TFB1M: variants seen among roughly 807,000 people sequenced by gnomAD.
The protein encoded by TFB1M is transcription factor B1, mitochondrial.
Under a neutral mutation model 31.1 loss-of-function variants are expected in TFB1M, and 27 were observed. That is an observed-to-expected ratio of 0.87 (90% CI 0.64 to 1.20). TFB1M has a LOEUF of 1.20. TFB1M is among the 50% of genes most tolerant of loss of function. The pLI, the probability that TFB1M is intolerant of heterozygous loss-of-function variation, is 0.00. For synonymous variants in TFB1M, 166 were observed against 151.8 expected, an observed-to-expected ratio of 1.09 and a Z score of -0.69; for missense variants, 394 against 418.7, an observed-to-expected ratio of 0.94 and a Z score of 0.51.
chr6:155,261,368 CCACTG>C (rs1479646464), intron 5 of TFB1M, among the ~76,000 whole-genome samples: 3 of 151,848 alleles, frequency 2.0e-5, no homozygotes, highest in African/African-American at 7.3e-5. Flanking sequence ...GTGGGCTGCA[CCACTG>C]CTTTTCAAAA....
the TFB1M span, chr6:155,245,688 A>G: frequency 3.1e-6 from 5 of 1,610,428 alleles, no homozygotes; most frequent in Admixed American, 1.7e-5. Flanking sequence ...TGTACAGTGG[A>G]TTCTGTGCTA....
At chr6:155,313,490 C>G (rs1426833623) in intron 1 of TFB1M, among the ~76,000 whole-genome samples, 2 of 152,108 alleles carry the variant, frequency 1.3e-5, no homozygotes, top group Non-Finnish European at 2.9e-5. Context: ...CCAGCCGTGA[C>G]TTAGTAGACG....
At chr6:155,311,457 G>T in intron 1 of TFB1M, 118 bp from the exon 2 acceptor site, 1 of 817,508 alleles carries the variant, frequency 1.2e-6, no homozygotes, top group Admixed American at 2.1e-5. Flanking sequence ...GATCCTTTAT[G>T]TATAATATTT....
intron 5 of TFB1M, among the ~76,000 whole-genome samples, chr6:155,269,001 G>C (rs993181979): frequency 1.0e-3 from 101 of 96,808 alleles, no homozygotes; most frequent in African/African-American, 3.8e-3. Flanking sequence ...AAAAAAAAAA[G>C]ATAAATGAAA....
chr6:155,230,859 A>T, the TFB1M span, among the ~76,000 whole-genome samples: 4 of 145,226 alleles, frequency 2.8e-5, no homozygotes, highest in African/African-American at 5.1e-5. Flanking sequence ...TTTGAGATGG[A>T]GTCTCGCTCT....
In TFB1M at chr6:155,313,520, C is replaced by A. The variant is rs551240497; in HGVS notation, c.133+776G>T. On this transcript the variant is annotated intron_variant, in intron 1 of 6. Transcript: ENST00000367166. ...TAGACGTATTTGTAATATATTTTTG[C>A]AACCTCATCTCATAGAACATCACTA... Among the ~76,000 whole-genome samples, 12 of 152,204 alleles carry A rather than the reference C, an allele frequency of 7.9e-5. No homozygotes were observed. The South Asian group carries it at 1.9e-3, about 24-fold the overall frequency.
chr6:155,273,564 G>C (rs191276438), intron 5 of TFB1M, among the ~76,000 whole-genome samples: 1 of 152,096 alleles, frequency 6.6e-6, no homozygotes, highest in Admixed American at 6.5e-5. Flanking sequence ...TTTTTTCCTT[G>C]GTGGGGAGGG....
chr6:155,280,628 A>G (rs1009447135), intron 5 of TFB1M, among the ~76,000 whole-genome samples: 1 of 152,242 alleles, frequency 6.6e-6, no homozygotes, highest in African/African-American at 2.4e-5. Flanking sequence ...AACCAAAGAC[A>G]GAAGAGTCTT....
At chr6:155,286,595 G>A (rs1473903681) in intron 4 of TFB1M, among the ~76,000 whole-genome samples, 3 of 145,864 alleles carry the variant, frequency 2.1e-5, no homozygotes, top group Non-Finnish European at 3.0e-5. Context: ...GTATATGTGT[G>A]TATATATGTG....
chr6:155,274,389 T>C (rs1785074368), intron 5 of TFB1M, among the ~76,000 whole-genome samples: 1 of 152,186 alleles, frequency 6.6e-6, no homozygotes, highest in Admixed American at 6.5e-5. Context: ...AGCCACAAAG[T>C]AGGTGGTCTT....
In TFB1M at chr6:155,305,419, A is replaced by G. The variant is rs867337782; in HGVS notation, c.285+5769T>C. On this transcript the variant is annotated intron_variant, in intron 2 of 6. Coordinates refer to ENST00000367166, the MANE Select transcript of TFB1M (RefSeq NM_016020.4). ...ATATATATAAATATATTATTAAATT[A>G]TATATTTATATATATAAATATATAT... is the stretch of plus-strand genomic sequence containing the variant. 3.7e-3 allele frequency among the ~76,000 whole-genome samples: 115 copies of G among 31,038 alleles called. 21 individuals are homozygous for G. Among genetic ancestry groups the G allele is most frequent in the Non-Finnish European group, 4.1e-3 (81 of 19,970 alleles). The allele number at this position is 31,038 out of a possible 152,430, so 20.4% of individuals were successfully genotyped here.
chr6:155,276,234 T>C (rs748950610), intron 5 of TFB1M: 2 of 1,614,184 alleles, frequency 1.2e-6, no homozygotes, highest in South Asian at 1.1e-5. Context: ...ATTTCTGCAA[T>C]GCTGTTGTTT....
At chr6:155,278,517 G>A (rs990530505) in intron 5 of TFB1M, among the ~76,000 whole-genome samples, 2 of 152,242 alleles carry the variant, frequency 1.3e-5, no homozygotes, top group Admixed American at 1.3e-4. Flanking sequence ...CATGGCAAGT[G>A]CTTCCTAACA....
chr6:155,287,551 A>AGTGTGTGTGTGTGTGTGTGTGT lies in TFB1M; in HGVS notation c.547-2296_547-2275dup, dbSNP rs150032717. Among the ~76,000 whole-genome samples the AGTGTGTGTGTGTGTGTGTGTGT allele has an allele frequency of 3.1e-3, 461 of 147,618 alleles. 2 individuals carry two copies. Among genetic ancestry groups the AGTGTGTGTGTGTGTGTGTGTGT allele is most frequent in the African/African-American group, 0.011 (434 of 39,774 alleles). ...AAGACTACTCCTATCATTTACTCTG[A>AGTGTGTGTGTGTGTGTGTGTGT]GTGTGTGTGTGTGTGTGTGTGTGTA... On this transcript the variant is annotated intron_variant, in intron 4 of 6. Coordinates refer to ENST00000367166, the MANE Select transcript of TFB1M (RefSeq NM_016020.4).
At chr6:155,276,446 A>G in intron 5 of TFB1M, 1 of 1,358,164 alleles carries the variant, frequency 7.4e-7, no homozygotes, top group Non-Finnish European at 1.0e-6. Flanking sequence ...TTAAAAAAAA[A>G]TCAGAATTAT....
the TFB1M span, chr6:155,250,588 G>A: frequency 6.5e-7 from 1 of 1,535,926 alleles, no homozygotes; most frequent in Non-Finnish European, 8.7e-7. Context: ...CCAGGGGAAA[G>A]CTTACAAAAG....
chr6:155,270,587 AT>A (rs939129222), intron 5 of TFB1M, among the ~76,000 whole-genome samples: 6 of 152,334 alleles, frequency 3.9e-5, no homozygotes, highest in South Asian at 2.1e-4. Context: ...AGGCAAAAAA[AT>A]AATCAACATG....
At chr6:155,283,726 T>TATAG (rs1776495525) in intron 5 of TFB1M, among the ~76,000 whole-genome samples, 1 of 152,236 alleles carries the variant, frequency 6.6e-6, no homozygotes, top group Non-Finnish European at 1.5e-5. Context: ...TAACCATAAC[T>TATAG]ATAGAGGCCT....
the TFB1M span, chr6:155,250,541 C>T: frequency 1.3e-6 from 2 of 1,535,806 alleles, no homozygotes; most frequent in Non-Finnish European, 1.7e-6. Context: ...TTATCAGCAG[C>T]CCGAATGGAG....
Sources: allele counts gnomAD v4.1 joint callset (sites outside exome capture counted in the v4.1 genomes callset), GRCh38; gene constraint gnomAD v4.1.1; transcripts MANE v1.5; gene names NCBI Gene and HGNC (gene_info 2026-07-23, HGNC 2026-07-21).